NDST4: variants seen among roughly 807,000 people sequenced by gnomAD.
NDST4 encodes the protein N-deacetylase and N-sulfotransferase 4.
In NDST4, 63 loss-of-function variants were observed where a neutral mutation model predicts 100.8. That is an observed-to-expected ratio of 0.62 (90% confidence interval 0.51 to 0.77). NDST4 has a LOEUF of 0.77. Among genes scored for constraint, NDST4 ranks in the 30% least tolerant of loss-of-function variants. NDST4 has a pLI of 0.00. For missense variants in NDST4, 943 were observed against 1,018.4 expected, an observed-to-expected ratio of 0.93 and a Z score of 1.01; for synonymous variants, 377 against 361.8, an observed-to-expected ratio of 1.04 and a Z score of -0.48.
chr4:114,847,241 T>C (rs1279919152), intron 9 of NDST4, among the ~76,000 whole-genome samples: 5 of 139,762 alleles, frequency 3.6e-5, no homozygotes, highest in Non-Finnish European at 6.0e-5. Context: ...CCGGGCGTAG[T>C]GGCGGGCGCC....
Position 114,937,436 on chromosome 4 carries a change from T to C in NDST4, c.1289A>G (p.His430Arg). Residue 430 changes from histidine (H) to arginine (R), a missense_variant, in exon 5 of 14, where the codon CAC (histidine) becomes CGC (arginine). Coordinates refer to ENST00000264363, the MANE Select transcript of NDST4 (RefSeq NM_022569.3). ...CTTCCAAGCTGCATACAGCTGAATGTGAACCGGGTAGACCCCTGAGTGATG... is the reference window on the plus strand; with the variant it reads ...CTTCCAAGCTGCATACAGCTGAATGCGAACCGGGTAGACCCCTGAGTGATG... ...APHHSGVYPV[H>R]IQLYAAWKKV... is the part of the protein sequence containing the mutation. The C allele has an allele frequency of 6.2e-7, 1 of 1,613,308 alleles. No homozygotes were observed. The highest frequency in any genetic ancestry group is 8.5e-7 in the Non-Finnish European group (1 of 1,179,520).
intron 4 of NDST4, among the ~76,000 whole-genome samples, chr4:114,947,649 G>C (rs1323074780): frequency 6.6e-6 from 1 of 151,534 alleles, no homozygotes. Context: ...CATTTCTATA[G>C]TACTGTAGGC....
chr4:114,901,810 CTCT>C (rs1469023910), intron 6 of NDST4, among the ~76,000 whole-genome samples: 2 of 151,510 alleles, frequency 1.3e-5, no homozygotes, highest in East Asian at 1.9e-4. Context: ...TCCACTCCTT[CTCT>C]TCTTTTCTTC....
chr4:115,060,170 G>C (rs1029030969), intron 2 of NDST4, among the ~76,000 whole-genome samples: 38 of 152,068 alleles, frequency 2.5e-4, no homozygotes, highest in African/African-American at 8.9e-4. Flanking sequence ...CTATATGGAT[G>C]CCAATCAATG....
At chr4:114,896,759 C>T (rs1461200723) in intron 6 of NDST4, among the ~76,000 whole-genome samples, 1 of 152,062 alleles carries the variant, frequency 6.6e-6, no homozygotes, top group Admixed American at 6.6e-5. Context: ...CACAAGCCAG[C>T]AGCTATTTTA....
chr4:114,850,282 A>G (rs567318646), intron 8 of NDST4, among the ~76,000 whole-genome samples: 40 of 152,310 alleles, frequency 2.6e-4, no homozygotes, highest in African/African-American at 8.9e-4. Flanking sequence ...TGTTGGTCAC[A>G]TAATCGTACC....
intron 1 of NDST4, among the ~76,000 whole-genome samples, chr4:115,085,067 G>A (rs1232892155): frequency 6.6e-6 from 1 of 152,214 alleles, no homozygotes; most frequent in Non-Finnish European, 1.5e-5. Context: ...AGCTCCCCAA[G>A]GCCATGGGAG....
chr4:115,009,429 T>C lies in NDST4; in HGVS notation c.979-32155A>G, dbSNP rs556024569. 1.4e-4 allele frequency among the ~76,000 whole-genome samples: 18 copies of C among 127,376 alleles called. 5 individuals are homozygous for C. Among genetic ancestry groups the C allele is most frequent in the Non-Finnish European group, 2.8e-4 (17 of 60,022 alleles). The allele number at this position is 127,376 out of a possible 152,430, so 83.6% of individuals were successfully genotyped here. On this transcript the variant is annotated intron_variant, in intron 2 of 13. Coordinates refer to ENST00000264363, the MANE Select transcript of NDST4 (RefSeq NM_022569.3). ...TGACAAACCTGAGAAAAACAAGCAATGGGGAAAGGATTCCCTATTTAACAA... is the reference window on the plus strand; with the variant it reads ...TGACAAACCTGAGAAAAACAAGCAACGGGGAAAGGATTCCCTATTTAACAA...
intron 2 of NDST4, among the ~76,000 whole-genome samples, chr4:115,026,608 C>T (rs150354012): frequency 1.3e-4 from 19 of 151,450 alleles, no homozygotes; most frequent in East Asian, 2.0e-4. Flanking sequence ...TCCCTGGTGC[C>T]AGCAGCATTA....
At chr4:115,102,266 G>C (rs751640017) in intron 1 of NDST4, among the ~76,000 whole-genome samples, 5 of 152,036 alleles carry the variant, frequency 3.3e-5, no homozygotes, top group African/African-American at 1.2e-4. Context: ...TTTGACCCTT[G>C]TATTCTTACA....
At chr4:114,975,550 G>A (rs1726614314) in intron 3 of NDST4, among the ~76,000 whole-genome samples, 1 of 152,008 alleles carries the variant, frequency 6.6e-6, no homozygotes, top group Non-Finnish European at 1.5e-5. Context: ...TGTACTCTAT[G>A]CATGTTCAGT....
chr4:114,861,898 C>G (rs1347846646), intron 7 of NDST4, among the ~76,000 whole-genome samples: 2 of 152,132 alleles, frequency 1.3e-5, no homozygotes, highest in Non-Finnish European at 2.9e-5. Flanking sequence ...CCACTCTTGT[C>G]TCTTTCTGAG....
At chr4:114,968,209 T>C (rs1215658758) in intron 4 of NDST4, among the ~76,000 whole-genome samples, 2 of 152,178 alleles carry the variant, frequency 1.3e-5, no homozygotes, top group Non-Finnish European at 2.9e-5. Context: ...TTGTAACATA[T>C]CATAGTATTA....
intron 6 of NDST4, among the ~76,000 whole-genome samples, chr4:114,909,383 G>A (rs190449662): frequency 2.7e-4 from 41 of 152,162 alleles, no homozygotes; most frequent in African/African-American, 9.2e-4. Context: ...ATTATTGGCC[G>A]GGCGCGGTGG....
intron 6 of NDST4, among the ~76,000 whole-genome samples, chr4:114,934,406 C>T (rs909969024): frequency 2.0e-5 from 3 of 151,738 alleles, no homozygotes; most frequent in African/African-American, 7.3e-5. Context: ...AAAAAATTAG[C>T]CGGGCGTGGT....
At chr4:114,907,024 GT>G (rs1724963659) in intron 6 of NDST4, among the ~76,000 whole-genome samples, 1 of 152,028 alleles carries the variant, frequency 6.6e-6, no homozygotes, top group Admixed American at 6.6e-5. Context: ...GCTTAATCTA[GT>G]GGGAAAGTAC....
chr4:114,983,281 T>C (rs1560843288), intron 2 of NDST4, among the ~76,000 whole-genome samples: 2 of 152,202 alleles, frequency 1.3e-5, no homozygotes, highest in Admixed American at 1.3e-4. Flanking sequence ...ACTGTGTGCC[T>C]GGAAAGTGCA....
At chr4:115,106,441 C>T (rs1369885447) in intron 1 of NDST4, among the ~76,000 whole-genome samples, 1 of 151,994 alleles carries the variant, frequency 6.6e-6, no homozygotes, top group Non-Finnish European at 1.5e-5. Context: ...CCCCCTAACC[C>T]TCCAGGACCA....
chr4:115,022,398 GTGTTCCATATATA>G lies in NDST4; in HGVS notation c.979-45137_979-45125del. Among the ~76,000 whole-genome samples the G allele has an allele frequency of 3.0e-5, 3 of 98,490 alleles. 1 individual carries two copies. Among genetic ancestry groups the G allele is most frequent in the African/African-American group, 1.0e-4 (3 of 29,918 alleles). The allele number at this position is 98,490 out of a possible 152,430, so 64.6% of individuals were successfully genotyped here. A position where few individuals can be genotyped will look rare whatever the true frequency, so the allele number is the denominator to read the frequency against. On this transcript the variant is annotated intron_variant, in intron 2 of 13. Transcript: ENST00000264363. ...ATGTACATATGTGTTCCATATATAT[GTGTTCCATATATA>G]TGTGTTCCATATATATGTGTTCCAT...
Sources: allele counts gnomAD v4.1 joint callset (sites outside exome capture counted in the v4.1 genomes callset), GRCh38; gene constraint gnomAD v4.1.1; transcripts MANE v1.5; gene names NCBI Gene and HGNC (gene_info 2026-07-23, HGNC 2026-07-21).